C9orf57: variants seen among roughly 807,000 people sequenced by gnomAD.
The protein encoded by C9orf57 is uncharacterized protein C9orf57.
C9orf57 carries 12 observed loss-of-function variants against 12.9 expected under a neutral mutation model. The observed-to-expected ratio is 0.93, with a 90% CI of 0.60 to 1.51. C9orf57 has a LOEUF of 1.51. Ranked by LOEUF, C9orf57 falls within the 40% of genes most tolerant of loss-of-function variation. The probability of loss-of-function intolerance (pLI) is 0.00; values close to 1 mark genes in which losing one functional copy is unlikely to be tolerated. For synonymous variants in C9orf57, 49 were observed against 57.1 expected, an observed-to-expected ratio of 0.86 and a Z score of 0.64; for missense variants, 141 against 162.8, an observed-to-expected ratio of 0.87 and a Z score of 0.73.
chr9:72,060,123 T>C (rs1400834302), intron 1 of C9orf57, among the ~76,000 whole-genome samples: 2 of 152,206 alleles, frequency 1.3e-5, no homozygotes, highest in African/African-American at 4.8e-5. Flanking sequence ...CTCAGCTCAC[T>C]GCAACTTCGG....
chr9:72,059,477 A>G, intron 1 of C9orf57, 93 bp from the exon 2 acceptor site: 1 of 1,383,680 alleles, frequency 7.2e-7, no homozygotes, highest in Non-Finnish European at 9.7e-7. Flanking sequence ...GACAATATAA[A>G]TAAGTTTATT....
chr9:72,053,986 C>T (rs1485429275), intron 4 of C9orf57, among the ~76,000 whole-genome samples: 2 of 152,056 alleles, frequency 1.3e-5, no homozygotes, highest in East Asian at 1.9e-4. Flanking sequence ...TATAGATGAA[C>T]GTTTAGGTCA....
intron 2 of C9orf57, among the ~76,000 whole-genome samples, chr9:72,057,318 C>T (rs950946340): frequency 6.6e-6 from 1 of 152,050 alleles, no homozygotes; most frequent in African/African-American, 2.4e-5. Context: ...CTCCACCTCC[C>T]GGGTTCAAGC....
intron 4 of C9orf57, among the ~76,000 whole-genome samples, chr9:72,053,466 TCTTATAC>T (rs1364873775): frequency 6.6e-6 from 1 of 152,316 alleles, no homozygotes; most frequent in East Asian, 1.9e-4. Flanking sequence ...CCAGGCTCTT[TCTTATAC>T]ATAGAGTATT....
At chr9:72,054,975 A>G (rs1192833850) in intron 4 of C9orf57, among the ~76,000 whole-genome samples, 2 of 129,958 alleles carry the variant, frequency 1.5e-5, no homozygotes, top group Non-Finnish European at 3.1e-5. Context: ...GCTGCAGTGC[A>G]GTGGTTCAAT....
intron 2 of C9orf57, among the ~76,000 whole-genome samples, chr9:72,057,316 C>G (rs1027873210): frequency 6.6e-6 from 1 of 152,092 alleles, no homozygotes; most frequent in Non-Finnish European, 1.5e-5. Context: ...ACCTCCACCT[C>G]CCGGGTTCAA....
rs185571541 is a variant in C9orf57 at position 72,054,091 on chromosome 9, C to T, written c.281-1656G>A. ...TTGGCTCACCGCAACCTCCACCTCCCGGGTTCAAGCGATTCTCCTGCCTCA... is the reference window on the plus strand; with the variant it reads ...TTGGCTCACCGCAACCTCCACCTCCTGGGTTCAAGCGATTCTCCTGCCTCA... On this transcript the variant is annotated intron_variant, in intron 4 of 4. Coordinates refer to ENST00000651200, the MANE Select transcript of C9orf57 (RefSeq NM_001128618.2). Among the ~76,000 whole-genome samples, 144 of 152,320 alleles carry T rather than the reference C, an allele frequency of 9.5e-4. 2 individuals are homozygous for T. The highest frequency in any genetic ancestry group is 3.2e-3 in the African/African-American group (134 of 41,580).
Position 72,056,100 on chromosome 9 carries a change from T to C in C9orf57, c.254A>G (p.Tyr85Cys), listed in dbSNP as rs1824194512. 2 of 1,551,136 alleles carry C rather than the reference T, an allele frequency of 1.3e-6. No homozygotes were observed. The highest frequency in any genetic ancestry group is 1.7e-6 in the Non-Finnish European group (2 of 1,146,592). ...TTGAATGTGGACCTCTTCTTTACAGTACTGACCAGGTTCTGCCTGGCAGGT... is the reference window on the plus strand; with the variant it reads ...TTGAATGTGGACCTCTTCTTTACAGCACTGACCAGGTTCTGCCTGGCAGGT... ...LGTCQAEPGQ[Y>C]CKEEVHIQGG... Residue 85 changes from tyrosine (Y) to cysteine (C), a missense_variant, in exon 4 of 5, where the codon TAC becomes TGC. Tyr to Cys is a radical substitution (Grantham distance 194, BLOSUM62 -2). Transcript: ENST00000651200.
At chr9:72,060,316 A>ACT (rs1824306616) in intron 1 of C9orf57, among the ~76,000 whole-genome samples, 181 bp downstream of exon 1, 2 of 152,228 alleles carry the variant, frequency 1.3e-5, no homozygotes, top group Admixed American at 1.3e-4. Flanking sequence ...AAGTGCTGGG[A>ACT]TTACAGGCGT....
chr9:72,058,450 C>G (rs1426071429), intron 2 of C9orf57, among the ~76,000 whole-genome samples: 1 of 152,128 alleles, frequency 6.6e-6, no homozygotes, highest in South Asian at 2.1e-4. Flanking sequence ...CGTGAGCCAC[C>G]GCGGCCAGCC....
At chr9:72,057,387 G>A (rs560459861) in intron 2 of C9orf57, among the ~76,000 whole-genome samples, 8 of 151,646 alleles carry the variant, frequency 5.3e-5, no homozygotes, top group Admixed American at 1.3e-4. Context: ...CACCAGGCCC[G>A]GCTAATATTT....
rs200976346 is a variant in C9orf57 at position 72,056,840 on chromosome 9, A to G, written c.101T>C (p.Leu34Pro). 1,146 of 1,550,372 alleles carry G rather than the reference A, an allele frequency of 7.4e-4. 2 individuals carry two copies. The highest frequency in any genetic ancestry group is 1.3e-3 in the Admixed American group (64 of 50,946). Reference protein sequence around the residue: ...GVILFGRLGDLGTCQTKPGQY... With the variant: ...GVILFGRLGDPGTCQTKPGQY... ...ACCAGGTTTTGTCTGGCAGGTTCCC[A>G]GGTCTAAAAGACATCCATGGAAGGG... Residue 34 changes from leucine to proline, a missense_variant, in exon 3 of 5, where the codon CTG becomes CCG. Transcript: ENST00000651200.
At position 72,055,348 on chromosome 9, in the gene C9orf57, C is replaced by A. The variant is rs1824168401; in HGVS notation, c.280+726G>T. On this transcript the variant is annotated intron_variant, in intron 4 of 4. Coordinates refer to ENST00000651200, the MANE Select transcript of C9orf57 (RefSeq NM_001128618.2). ...TTTCTCTTTCCTTCCTTCCTTCCTT[C>A]ATTCTTTCCCTCCCTCCCTCCCTCC... Among the ~76,000 whole-genome samples, 3 of 140,898 alleles carry A rather than the reference C, an allele frequency of 2.1e-5. No individual in the cohort carries two copies. The South Asian group carries it at 7.3e-4, about 35-fold the overall frequency. 92.4% of individuals were successfully genotyped at this position (140,898 alleles called of 152,430 possible).
At chr9:72,056,638 G>GT (rs1564122615) in intron 3 of C9orf57, 146 bp downstream of exon 3, 2 of 749,562 alleles carry the variant, frequency 2.7e-6, no homozygotes, top group African/African-American at 3.5e-5. Flanking sequence ...TAGTGACAGG[G>GT]TCCATCCAGC....
chr9:72,058,367 C>T (rs1464200313), intron 2 of C9orf57, among the ~76,000 whole-genome samples: 24 of 152,078 alleles, frequency 1.6e-4, no homozygotes, highest in Non-Finnish European at 3.5e-4. Context: ...CACCGTGTTG[C>T]CCAGGCTGGT....
chr9:72,052,808 A>G (rs964684150), intron 4 of C9orf57, among the ~76,000 whole-genome samples: 4 of 152,204 alleles, frequency 2.6e-5, no homozygotes, highest in Non-Finnish European at 5.9e-5. Flanking sequence ...GGCTGAATGT[A>G]CAGAAGGATC....
chr9:72,060,417 G>A (rs770198474), intron 1 of C9orf57, 80 bp downstream of exon 1: 9 of 743,750 alleles, frequency 1.2e-5, no homozygotes, highest in Admixed American at 4.4e-5. Context: ...GATAGTTAAC[G>A]ATAGTTAATA....
At chr9:72,054,481 A>G (rs1470164885) in intron 4 of C9orf57, among the ~76,000 whole-genome samples, 2 of 152,214 alleles carry the variant, frequency 1.3e-5, no homozygotes, top group African/African-American at 2.4e-5. Flanking sequence ...TGCTGAACCA[A>G]TCTAAGCTGT....
At chr9:72,055,183 C>T (rs1285446399) in intron 4 of C9orf57, among the ~76,000 whole-genome samples, 2 of 151,808 alleles carry the variant, frequency 1.3e-5, no homozygotes, top group Non-Finnish European at 2.9e-5. Context: ...GCAATCCACG[C>T]ACCTCTGCCT....
Sources: gnomAD v4.1 joint callset for allele counts (sites outside exome capture counted in the v4.1 genomes callset) on GRCh38, gnomAD v4.1.1 for gene constraint, MANE v1.5 for transcripts, NCBI Gene and HGNC (gene_info 2026-07-23, HGNC 2026-07-21) for gene names.